Variants in HPCAL1 observed in about 807,000 individuals in gnomAD.
The protein encoded by HPCAL1 is hippocalcin-like protein 1.
A neutral mutation model predicts 17.1 loss-of-function variants in HPCAL1; 8 were observed. The observed-to-expected ratio is 0.47, with a 90% confidence interval of 0.27 to 0.84. The LOEUF is 0.84. Ranked by LOEUF, HPCAL1 falls within the 40% of genes least tolerant of loss-of-function variation. The pLI, the probability that HPCAL1 is intolerant of heterozygous loss-of-function variation, is 0.13. For synonymous variants in HPCAL1, 112 were observed against 111.4 expected, an observed-to-expected ratio of 1.01 and a Z score of -0.03; for missense variants, 165 against 271.1, an observed-to-expected ratio of 0.61 and a Z score of 2.75.
chr2:10,328,827 C>A (rs1307400435), intron 1 of HPCAL1, among the ~76,000 whole-genome samples: 1 of 152,030 alleles, frequency 6.6e-6, no homozygotes, highest in South Asian at 2.1e-4. Flanking sequence ...CTTTCTCTGC[C>A]CCTTTTGTTC....
At chr2:10,424,524 G>A (rs973200506) in intron 4 of HPCAL1, 5 of 470,942 alleles carry the variant, frequency 1.1e-5, no homozygotes, top group Middle Eastern at 3.2e-4. Context: ...CAACTTCACA[G>A]TGTCCCTGGG....
At position 10,313,170 on chromosome 2, in the gene HPCAL1, C is replaced by T. The variant is rs7566880; in HGVS notation, c.-111+9993C>T. ...TCTAGAAGATTCTGGGAGAATCTCACGTATTCTTTCAGGCCCAGGAGTAAG... is the reference window on the plus strand; with the variant it reads ...TCTAGAAGATTCTGGGAGAATCTCATGTATTCTTTCAGGCCCAGGAGTAAG... On this transcript the variant is annotated intron_variant, in intron 1 of 4. Transcript: ENST00000307845. Among the ~76,000 whole-genome samples, 130 of 152,324 alleles carry T rather than the reference C, an allele frequency of 8.5e-4. 1 individual carries two copies. The highest frequency in any genetic ancestry group is 3.0e-3 in the African/African-American group (126 of 41,580).
chr2:10,329,745 C>T (rs913961996), intron 1 of HPCAL1, among the ~76,000 whole-genome samples: 1 of 152,224 alleles, frequency 6.6e-6, no homozygotes, highest in East Asian at 1.9e-4. Flanking sequence ...CCAGCCCTGC[C>T]CAGGCCCAGA....
intron 1 of HPCAL1, among the ~76,000 whole-genome samples, chr2:10,332,533 C>T (rs376827374): frequency 5.9e-5 from 9 of 152,176 alleles, no homozygotes; most frequent in South Asian, 2.1e-4. Flanking sequence ...AGGGGTGAAG[C>T]GGGCCCCTGT....
rs997037557 is a variant in HPCAL1 at position 10,384,737 on chromosome 2, G to A, written c.-110-12098G>A. On this transcript the variant is annotated intron_variant, in intron 1 of 4. Coordinates refer to ENST00000307845, the MANE Select transcript of HPCAL1 (RefSeq NM_002149.4). This position sits in a 1 kb window ranked among gnomAD's most constrained non-coding sequence, Gnocchi z 4.4. ...CAGAGTAAACAGTGCAGTGGCAGCC[G>A]GGGCTGGCACTTTTAAAGAAAGCCT... 2.0e-5 allele frequency among the ~76,000 whole-genome samples: 3 copies of A among 152,160 alleles called. No individual in the cohort carries two copies. Among genetic ancestry groups the A allele is most frequent in the East Asian group, 1.9e-4 (1 of 5,182 alleles).
chr2:10,378,369 G>T (rs1667722860), intron 1 of HPCAL1, among the ~76,000 whole-genome samples: 1 of 151,802 alleles, frequency 6.6e-6, no homozygotes, highest in Admixed American at 6.6e-5. Context: ...GATAAAGGAG[G>T]GTGCTTGCCT....
Position 10,374,067 on chromosome 2 carries a change from G to A in HPCAL1, c.-110-22768G>A, listed in dbSNP as rs1459515277. 2.6e-5 allele frequency among the ~76,000 whole-genome samples: 4 copies of A among 152,058 alleles called. No homozygotes were observed. The East Asian group carries it at 5.8e-4, about 22-fold the overall frequency. ...GAGCTCGGGTGGCCTGGCCCGGCCC[G>A]CCTGCTTCCCCACAGGCAGCGGCTC... is the stretch of plus-strand genomic sequence containing the variant. On this transcript the variant is annotated intron_variant, in intron 1 of 4. Transcript: ENST00000307845.
At chr2:10,337,200 G>A (rs1192801785) in intron 1 of HPCAL1, among the ~76,000 whole-genome samples, 1 of 152,154 alleles carries the variant, frequency 6.6e-6, no homozygotes, top group Non-Finnish European at 1.5e-5. Flanking sequence ...CCATAGGGAG[G>A]CCAGGGAGGG....
At chr2:10,345,773 ATT>A (rs1376804288) in intron 1 of HPCAL1, among the ~76,000 whole-genome samples, 1 of 152,200 alleles carries the variant, frequency 6.6e-6, no homozygotes, top group African/African-American at 2.4e-5. Flanking sequence ...ACTTTTAAAA[ATT>A]TTGTGTTTTA....
intron 1 of HPCAL1, among the ~76,000 whole-genome samples, chr2:10,370,193 C>T (rs552453988): frequency 2.0e-5 from 3 of 152,384 alleles, no homozygotes; most frequent in African/African-American, 7.2e-5. Flanking sequence ...TAGTGGCTCC[C>T]TTCCCATTCC....
At chr2:10,406,739 T>A (rs1050085846) in intron 2 of HPCAL1, among the ~76,000 whole-genome samples, 2 of 152,230 alleles carry the variant, frequency 1.3e-5, no homozygotes, top group Admixed American at 1.3e-4. Flanking sequence ...ACCCTTCACC[T>A]CTGTAGAAAC....
chr2:10,374,938 A>G (rs1572749385), intron 1 of HPCAL1, among the ~76,000 whole-genome samples: 1 of 152,308 alleles, frequency 6.6e-6, no homozygotes, highest in Non-Finnish European at 1.5e-5. Context: ...GACTGGACAG[A>G]AGGAGGAAGA....
At chr2:10,418,277 A>G (rs1210697625) in intron 2 of HPCAL1, among the ~76,000 whole-genome samples, 1 of 144,888 alleles carries the variant, frequency 6.9e-6, no homozygotes, top group Non-Finnish European at 1.5e-5. Flanking sequence ...AAATAAATAA[A>G]TAAATAAATA....
intron 2 of HPCAL1, among the ~76,000 whole-genome samples, chr2:10,402,035 G>T (rs1230793736): frequency 6.6e-6 from 1 of 152,192 alleles, no homozygotes. Context: ...GAGTAGCTGG[G>T]ATTACAGGCG....
chr2:10,387,610 A>G (rs866077443), intron 1 of HPCAL1, among the ~76,000 whole-genome samples: 1 of 152,214 alleles, frequency 6.6e-6, no homozygotes, highest in Non-Finnish European at 1.5e-5. Context: ...CATTACGAAC[A>G]CAACTTTAGA....
rs1389304385 is a variant in HPCAL1 at position 10,377,519 on chromosome 2, G to A, written c.-110-19316G>A. The stretch of plus-strand genomic sequence containing the variant: ...CACACCCCCATCCCTGTCCTTTCAC[G>A]CACTGTCTGCCCGCACACACTCTTC... On this transcript the variant is annotated intron_variant, in intron 1 of 4. Coordinates refer to ENST00000307845, the MANE Select transcript of HPCAL1 (RefSeq NM_002149.4). This position sits in a 1 kb window ranked among gnomAD's most constrained non-coding sequence, Gnocchi z 5.9. Among the ~76,000 whole-genome samples the A allele has an allele frequency of 6.6e-6, 1 of 151,940 alleles. No homozygotes were observed. Among genetic ancestry groups the A allele is most frequent in the African/African-American group, 2.4e-5 (1 of 41,350 alleles).
intron 1 of HPCAL1, among the ~76,000 whole-genome samples, chr2:10,392,072 TC>T (rs766843249): frequency 2.0e-5 from 3 of 152,070 alleles, no homozygotes; most frequent in Non-Finnish European, 4.4e-5. Flanking sequence ...AGACGTGGTC[TC>T]GATCTATCCC....
rs539413023 is a variant in HPCAL1, at chr2:10,343,779, C to G, written c.-111+40602C>G. Among the ~76,000 whole-genome samples, 85 of 152,322 alleles carry G rather than the reference C, an allele frequency of 5.6e-4. 3 individuals carry two copies. The South Asian group carries it at 0.018, about 32-fold the overall frequency. On this transcript the variant is annotated intron_variant, in intron 1 of 4. Coordinates refer to ENST00000307845, the MANE Select transcript of HPCAL1 (RefSeq NM_002149.4). This position sits in a 1 kb window ranked among gnomAD's most constrained non-coding sequence, Gnocchi z 4.8. ...GCATAGAAAGTCTTTCTGCTGTTCT[C>G]TTGTGCTGGGCGTGGCTCAGGGCTG...
intron 1 of HPCAL1, among the ~76,000 whole-genome samples, chr2:10,311,252 G>C (rs1479047580): frequency 6.6e-6 from 1 of 152,142 alleles, no homozygotes; most frequent in Non-Finnish European, 1.5e-5. Context: ...GATGCAGCCT[G>C]GATGCCTGGC....
Sources: gnomAD v4.1 joint callset for allele counts (sites outside exome capture counted in the v4.1 genomes callset) on GRCh38, gnomAD v4.1.1 for gene constraint, Gnocchi (gnomAD v3.1) non-coding constraint, MANE v1.5 for transcripts, NCBI Gene and HGNC (gene_info 2026-07-23, HGNC 2026-07-21) for gene names.